The following CDK20 variants were observed in gnomAD, a reference collection of about 807,000 sequenced individuals.
CDK20 encodes the protein cyclin dependent kinase 20.
Under a neutral mutation model 38.6 loss-of-function variants are expected in CDK20, and 40 were observed. The ratio of observed to expected loss-of-function variants is 1.04; its 90% CI spans 0.81 to 1.35. The LOEUF is 1.35. Ranked by LOEUF, CDK20 falls within the 40% of genes most tolerant of loss-of-function variation. The probability of loss-of-function intolerance (pLI) is 0.00; values close to 1 mark genes in which losing one functional copy is unlikely to be tolerated. For missense variants in CDK20, 512 were observed against 452.6 expected, an observed-to-expected ratio of 1.13 and a Z score of -1.19; for synonymous variants, 209 against 185.7, an observed-to-expected ratio of 1.13 and a Z score of -1.02.
rs767990766 is a variant in CDK20 at position 87,969,211 on chromosome 9, G to A, written c.826C>T (p.Arg276Cys). 3.5e-5 allele frequency: 57 copies of A among 1,613,890 alleles called. No homozygotes were observed. The highest frequency in any genetic ancestry group is 1.0e-4 in the Admixed American group (6 of 59,988). The change falls in exon 7 of 8, where the codon CGC (arginine) becomes TGC (cysteine). Residue 276 changes from arginine (R) to cysteine (C), a missense_variant. Coordinates refer to ENST00000325303, the MANE Select transcript of CDK20 (RefSeq NM_001039803.3). The stretch of plus-strand genomic sequence containing the variant: ...CCCCCTACCTTGGAAGCTGCGATGC[G>A]CTGGTGAGGAGGGTAGAGAAGGAAT... ...GQFLLYPPHQ[R>C]IAASKALLHQ...
intron 2 of CDK20, among the ~76,000 whole-genome samples, chr9:87,973,574 T>C (rs1454121878): frequency 6.6e-6 from 1 of 152,208 alleles, no homozygotes; most frequent in Non-Finnish European, 1.5e-5. Flanking sequence ...AATGACAATG[T>C]ATATAATGCC....
chr9:87,973,251 C>T (rs1039681273), intron 2 of CDK20, among the ~76,000 whole-genome samples: 2 of 152,166 alleles, frequency 1.3e-5, no homozygotes, highest in African/African-American at 2.4e-5. Context: ...TGCCCCTCTT[C>T]GTGTTCCAGC....
In CDK20 at chr9:87,974,458, C is replaced by T. The variant is rs202082536; in HGVS notation, c.-12G>A. On this transcript the variant is annotated 5_prime_UTR_variant, in exon 1 of 8. Transcript: ENST00000325303. ...CAGTACTGGTCCATCCCGCTGCAGTCGTGGGCCTGTGCCCCTGTGCCCCTG... is the reference window on the plus strand; with the variant it reads ...CAGTACTGGTCCATCCCGCTGCAGTTGTGGGCCTGTGCCCCTGTGCCCCTG... 28 of 1,609,122 alleles carry T rather than the reference C, an allele frequency of 1.7e-5. No individual in the cohort carries two copies. In the Middle Eastern group the frequency reaches 9.9e-4, roughly 57 times the overall value.
chr9:87,968,195 C>T (rs771486828), intron 7 of CDK20: 25 of 152,986 alleles, frequency 1.6e-4, no homozygotes, highest in Non-Finnish European at 2.8e-4. Context: ...AAAAAGGACC[C>T]TGGCTTTTCC....
chr9:87,973,083 CAA>C (rs1829975524), intron 2 of CDK20, among the ~76,000 whole-genome samples: 1 of 152,132 alleles, frequency 6.6e-6, no homozygotes, highest in Admixed American at 6.5e-5. Flanking sequence ...CCAGATGACA[CAA>C]AATTTTATAA....
chr9:87,968,037 C>T (rs2118155907), intron 7 of CDK20: 1 of 176,116 alleles, frequency 5.7e-6, no homozygotes, highest in Admixed American at 5.5e-5. Context: ...TAAGCCAAGA[C>T]TTGAGACATA....
intron 2 of CDK20, among the ~76,000 whole-genome samples, chr9:87,973,231 G>C (rs984669449): frequency 3.3e-5 from 5 of 152,118 alleles, no homozygotes; most frequent in Admixed American, 6.6e-5. Flanking sequence ...ATGACACTAG[G>C]GGTGAAAGAT....
intron 5 of CDK20, 173 bp downstream of exon 5, chr9:87,970,395 T>G (rs996484860): frequency 3.2e-6 from 2 of 621,412 alleles, no homozygotes; most frequent in Non-Finnish European, 5.6e-6. Flanking sequence ...CTCGAAAACA[T>G]CATAGTGAGG....
chr9:87,971,746 C>T (rs1231434834), intron 2 of CDK20, among the ~76,000 whole-genome samples: 5 of 152,164 alleles, frequency 3.3e-5, no homozygotes, highest in Admixed American at 2.6e-4. Context: ...GGGACAGCTA[C>T]AGACACATCA....
chr9:87,971,766 A>G (rs564649741), intron 2 of CDK20, among the ~76,000 whole-genome samples: 8 of 152,314 alleles, frequency 5.3e-5, no homozygotes, highest in African/African-American at 1.7e-4. Context: ...ACAAACACTG[A>G]GGCCAGTACT....
intron 2 of CDK20, 42 bp from the exon 3 acceptor site, chr9:87,971,377 C>T (rs1231448265): frequency 2.6e-6 from 4 of 1,559,282 alleles, no homozygotes; most frequent in Admixed American, 1.9e-5. Flanking sequence ...CTCAAGTCAC[C>T]AGACCCTCTC....
In CDK20 at chr9:87,970,765, G is replaced by A; in HGVS notation, c.500+11C>T. ...CATGGAGAAGACTGGAAGGGATCTG[G>A]CCCTCCCTACCTGGTGGCCACCTGG... On this transcript the variant is annotated intron_variant, in intron 4 of 7. Transcript: ENST00000325303. 1.2e-6 allele frequency: 2 copies of A among 1,614,078 alleles called. No individual in the cohort carries two copies. Among genetic ancestry groups the A allele is most frequent in the East Asian group, 2.2e-5 (1 of 44,864 alleles).
Position 87,969,937 on chromosome 9 carries a change from C to G in CDK20, c.564-18G>C, listed in dbSNP as rs762557603. On this transcript the variant is annotated intron_variant, in intron 5 of 7. Coordinates refer to ENST00000325303, the MANE Select transcript of CDK20 (RefSeq NM_001039803.3). ...CCACAGACCTGTGGACACAGAGCCC[C>G]AAGCAGGTCAGAGATCTCCCACCAT... 5 of 1,541,382 alleles carry G rather than the reference C, an allele frequency of 3.2e-6. No homozygotes were observed. Among genetic ancestry groups the G allele is most frequent in the African/African-American group, 1.4e-5 (1 of 72,648 alleles).
Position 87,971,347 on chromosome 9 carries a change from A to T in CDK20, c.190-12T>A. On this transcript the variant is annotated splice_polypyrimidine_tract_variant and intron_variant, in intron 2 of 7. Coordinates refer to ENST00000325303, the MANE Select transcript of CDK20 (RefSeq NM_001039803.3). ...TTCAGTTGTACCACCTGTGGGCAGG[A>T]CATCTTGTTAGCCCCCAGACTCAAG... The T allele has an allele frequency of 6.2e-7, 1 of 1,603,002 alleles. No homozygotes were observed. The highest frequency in any genetic ancestry group is 8.5e-7 in the Non-Finnish European group (1 of 1,173,980).
chr9:87,971,104 G>C, intron 3 of CDK20, 43 bp downstream of exon 3: 1 of 1,593,354 alleles, frequency 6.3e-7, no homozygotes. Flanking sequence ...CCCAAGCCAA[G>C]TCAGCTCCCC....
At chr9:87,968,683 T>C in intron 7 of CDK20, 2 of 154,328 alleles carry the variant, frequency 1.3e-5, no homozygotes, top group Non-Finnish European at 2.9e-5. Context: ...GCCTCTCTCC[T>C]GGGGCTCCCA....
chr9:87,971,454 G>T, intron 2 of CDK20, 119 bp from the exon 3 acceptor site: 5 of 877,368 alleles, frequency 5.7e-6, no homozygotes, highest in Non-Finnish European at 8.7e-6. Context: ...AGTAAGCAAA[G>T]AAGGTGACGT....
At chr9:87,970,730 A>G (rs770690920) in intron 4 of CDK20, 46 bp downstream of exon 4, 6 of 1,613,238 alleles carry the variant, frequency 3.7e-6, no homozygotes, top group Non-Finnish European at 4.2e-6. Context: ...GCCCAGAAGC[A>G]TCTCTTCCCC....
chr9:87,970,260 C>G (rs145603908), intron 5 of CDK20: 10 of 461,230 alleles, frequency 2.2e-5, no homozygotes, highest in Middle Eastern at 5.5e-4. Context: ...GGCCTCTGAC[C>G]AGCTCAGAGA....
Sources: allele counts gnomAD v4.1 joint callset (sites outside exome capture counted in the v4.1 genomes callset), GRCh38; gene constraint gnomAD v4.1.1; transcripts MANE v1.5; gene names NCBI Gene and HGNC (gene_info 2026-07-23, HGNC 2026-07-21).